Variants in HERC3 observed in about 807,000 individuals in gnomAD.
The protein encoded by HERC3 is probable E3 ubiquitin-protein ligase HERC3.
HERC3 carries 58 observed loss-of-function variants against 129.9 expected under a neutral mutation model. The observed-to-expected ratio is 0.45, with a 90% confidence interval of 0.36 to 0.56. HERC3 has a LOEUF of 0.56. Among genes scored for constraint, HERC3 ranks in the 20% least tolerant of loss-of-function variants. The probability of loss-of-function intolerance (pLI) is 0.00; values close to 1 mark genes in which losing one functional copy is unlikely to be tolerated. For synonymous variants in HERC3, 430 were observed against 451.0 expected (o/e 0.95, Z 0.59); for missense variants, 835 against 1,244.2 (o/e 0.67, Z 4.95).
chr4:88,555,104 T>C, the HERC3 span, among the ~76,000 whole-genome samples: 1 of 151,846 alleles, frequency 6.6e-6, no homozygotes, highest in Non-Finnish European at 1.5e-5. Flanking sequence ...GCCAACATGG[T>C]GAAACCCTGT....
chr4:88,571,494 T>C, the HERC3 span, among the ~76,000 whole-genome samples: 10 of 152,322 alleles, frequency 6.6e-5, no homozygotes, highest in South Asian at 1.9e-3. Context: ...TGAACTCTCA[T>C]TCACTCTTTC....
chr4:88,567,717 G>T, the HERC3 span, among the ~76,000 whole-genome samples: 1 of 152,122 alleles, frequency 6.6e-6, no homozygotes, highest in Non-Finnish European at 1.5e-5. Flanking sequence ...GAATTTCACT[G>T]AGCTTCCTCA....
At chr4:88,524,049 G>A in the HERC3 span, 4 of 327,114 alleles carry the variant, frequency 1.2e-5, no homozygotes, top group Non-Finnish European at 1.7e-5. Flanking sequence ...AGGCCTCAGA[G>A]TTGTAGGGAG....
At chr4:88,638,816 C>T (rs28772677) in intron 3 of HERC3, among the ~76,000 whole-genome samples, 6,655 of 152,120 alleles carry the variant, frequency 0.044, 182 homozygotes, top group Middle Eastern at 0.12. Flanking sequence ...TGTTTGCAGA[C>T]GACATGATAC....
intron 6 of HERC3, 127 bp from the exon 7 acceptor site, chr4:88,653,909 CCAAGTA>C: frequency 1.5e-6 from 1 of 651,426 alleles, no homozygotes; most frequent in Admixed American, 2.4e-5. Flanking sequence ...TGTTGGATAT[CCAAGTA>C]CAGATGCAGG....
At chr4:88,638,386 T>C (rs1164924951) in intron 3 of HERC3, among the ~76,000 whole-genome samples, 2 of 152,166 alleles carry the variant, frequency 1.3e-5, no homozygotes, top group Non-Finnish European at 2.9e-5. Context: ...TCAAAAAGCT[T>C]ATTTACCACG....
chr4:88,605,690 A>C (rs981054932), intron 2 of HERC3, 105 bp from the exon 3 acceptor site: 2 of 622,496 alleles, frequency 3.2e-6, no homozygotes, highest in Non-Finnish European at 2.8e-6. Context: ...TATCTGAAGA[A>C]TATTAAGGGG....
intron 3 of HERC3, among the ~76,000 whole-genome samples, chr4:88,615,310 T>C (rs903944848): frequency 4.6e-5 from 7 of 152,180 alleles, no homozygotes; most frequent in African/African-American, 1.7e-4. Flanking sequence ...TCTGGTCAGC[T>C]GATATTTTAC....
chr4:88,592,921 CGGGA>C (rs147568858), intron 1 of HERC3, among the ~76,000 whole-genome samples: 3,022 of 152,282 alleles, frequency 0.02, 91 homozygotes, highest in African/African-American at 0.068. Context: ...CCCTGCCGCC[CGGGA>C]GGAATTGCGA....
chr4:88,539,539 T>A, the HERC3 span, among the ~76,000 whole-genome samples: 1 of 152,144 alleles, frequency 6.6e-6, no homozygotes, highest in Non-Finnish European at 1.5e-5. Flanking sequence ...GACTTAAACG[T>A]CCCTGTCTGA....
chr4:88,624,313 G>T (rs1725858991), intron 3 of HERC3, among the ~76,000 whole-genome samples: 1 of 152,206 alleles, frequency 6.6e-6, no homozygotes, highest in Non-Finnish European at 1.5e-5. Flanking sequence ...CATATGGTAA[G>T]TGTATGTTCC....
intron 12 of HERC3, among the ~76,000 whole-genome samples, chr4:88,664,463 T>C (rs1297038475): frequency 1.3e-5 from 2 of 152,240 alleles, no homozygotes; most frequent in Non-Finnish European, 2.9e-5. Flanking sequence ...ACTTTTCTTC[T>C]CTTTGATGGT....
chr4:88,691,199 G>C (rs1734037529), intron 23 of HERC3, among the ~76,000 whole-genome samples: 1 of 152,212 alleles, frequency 6.6e-6, no homozygotes, highest in Non-Finnish European at 1.5e-5. Flanking sequence ...GTACAGAACA[G>C]CTTCTGTACT....
the HERC3 span, among the ~76,000 whole-genome samples, chr4:88,545,670 C>T: frequency 6.6e-5 from 10 of 151,982 alleles, no homozygotes; most frequent in Non-Finnish European, 1.5e-4. Context: ...AAAGGATCTT[C>T]CTACCTCAAC....
At chr4:88,658,172 C>T (rs1452725955) in intron 9 of HERC3, 2 of 319,458 alleles carry the variant, frequency 6.3e-6, no homozygotes, top group Non-Finnish European at 1.1e-5. Flanking sequence ...GGTCAGGATT[C>T]ACTGGCAGTT....
intron 12 of HERC3, among the ~76,000 whole-genome samples, chr4:88,665,547 G>A (rs1361035807): frequency 6.6e-6 from 1 of 152,194 alleles, no homozygotes; most frequent in Admixed American, 6.5e-5. Flanking sequence ...ACTGAATGAG[G>A]ATGGATTTTC....
At chr4:88,602,632 C>A (rs533758383) in intron 2 of HERC3, among the ~76,000 whole-genome samples, 1 of 151,906 alleles carries the variant, frequency 6.6e-6, no homozygotes, top group African/African-American at 2.4e-5. Context: ...TGTGTCCTAC[C>A]ACACTTGGCT....
chr4:88,534,796 G>A, the HERC3 span, among the ~76,000 whole-genome samples: 2 of 152,302 alleles, frequency 1.3e-5, no homozygotes, highest in South Asian at 2.1e-4. Context: ...AACAACTGAA[G>A]TAATTCTCAA....
chr4:88,598,362 A>G (rs956778664), intron 2 of HERC3, among the ~76,000 whole-genome samples: 1 of 152,176 alleles, frequency 6.6e-6, no homozygotes, highest in African/African-American at 2.4e-5. Flanking sequence ...TTAAAAGCAA[A>G]TGCACACAAA....
Sources: allele counts gnomAD v4.1 joint callset (sites outside exome capture counted in the v4.1 genomes callset), GRCh38; gene constraint gnomAD v4.1.1; transcripts MANE v1.5; gene names NCBI Gene and HGNC (gene_info 2026-07-23, HGNC 2026-07-21).